Variants in GMNC observed in about 807,000 individuals in gnomAD.
GMNC encodes geminin coiled-coil domain-containing protein 1.
In GMNC, 16 loss-of-function variants were observed where a neutral mutation model predicts 33.6. The ratio of observed to expected loss-of-function variants is 0.48; its 90% confidence interval spans 0.32 to 0.72. The LOEUF (loss-of-function observed/expected upper bound fraction) is 0.72, where lower values mean the gene tolerates loss of function less well. GMNC is among the 30% of genes least tolerant of loss of function. The probability of loss-of-function intolerance (pLI) is 0.03; values close to 1 mark genes in which losing one functional copy is unlikely to be tolerated. For missense variants in GMNC, 393 were observed against 388.9 expected, an observed-to-expected ratio of 1.01 and a Z score of -0.09; for synonymous variants, 156 against 147.3, an observed-to-expected ratio of 1.06 and a Z score of -0.43.
At chr3:190,858,107 A>G (rs776261698) in intron 3 of GMNC, 1 of 557,958 alleles carries the variant, frequency 1.8e-6, no homozygotes, top group East Asian at 2.8e-5. Flanking sequence ...ATGTTCATTC[A>G]TTGCAAAGCA....
Position 190,855,030 on chromosome 3 carries a change from C to G in GMNC, c.*265G>C, listed in dbSNP as rs181005942. ...TAGAAGTGAGTGGAAAATACCTTAT[C>G]AAGTATAGGGCAAAGAGAGGATGTC... On this transcript the variant is annotated 3_prime_UTR_variant, in exon 5 of 5. Transcript: ENST00000442080. 2 of 426,372 alleles carry G rather than the reference C, an allele frequency of 4.7e-6. No homozygotes were observed. The highest frequency in any genetic ancestry group is 8.6e-6 in the Non-Finnish European group (2 of 233,488). 26.4% of individuals were successfully genotyped at this position (426,372 alleles called of 1,614,324 possible).
intron 2 of GMNC, chr3:190,859,646 T>C (rs974582079): frequency 2.1e-5 from 6 of 290,458 alleles, no homozygotes; most frequent in Admixed American, 4.3e-5. Context: ...ACTGTCCTAA[T>C]CTGTATATTT....
downstream of GMNC, among the ~76,000 whole-genome samples, chr3:190,849,450 C>A (rs1271847483): frequency 6.6e-6 from 1 of 152,278 alleles, no homozygotes; most frequent in South Asian, 2.1e-4. Flanking sequence ...TGTGTTTTGC[C>A]TTTTGCCTGA....
downstream of GMNC, among the ~76,000 whole-genome samples, chr3:190,848,869 C>T (rs538776300): frequency 6.6e-6 from 1 of 152,162 alleles, no homozygotes; most frequent in Admixed American, 6.5e-5. Flanking sequence ...TTTTATACTG[C>T]AGTCTTTCTT....
At chr3:190,847,986 G>A (rs773676561), downstream of GMNC, among the ~76,000 whole-genome samples, 126 of 152,092 alleles carry the variant, frequency 8.3e-4, 1 homozygote, top group Non-Finnish European at 6.8e-4. Flanking sequence ...TTTTCACTAC[G>A]TACATTCCCA....
the GMNC span, among the ~76,000 whole-genome samples, chr3:190,844,444 CAT>C: frequency 6.6e-6 from 1 of 151,002 alleles, no homozygotes; most frequent in African/African-American, 2.4e-5. Context: ...TAATTTAATA[CAT>C]ATTTAATAAT....
chr3:190,851,501 C>T (rs1425245052), downstream of GMNC, among the ~76,000 whole-genome samples: 1 of 152,156 alleles, frequency 6.6e-6, no homozygotes, highest in Non-Finnish European at 1.5e-5. Context: ...GCCAATTATT[C>T]CCTTGCTTTG....
rs1322918210 is a variant in GMNC at position 190,855,747 on chromosome 3, C to A, written c.553G>T (p.Val185Leu). 1 of 1,551,504 alleles carries A rather than the reference C, an allele frequency of 6.4e-7. No individual in the cohort carries two copies. The highest frequency in any genetic ancestry group is 8.7e-7 in the Non-Finnish European group (1 of 1,146,898). The change falls in exon 5 of 5, where the codon GTG becomes TTG. Residue 185 changes from valine (V) to leucine (L), a missense_variant. Coordinates refer to ENST00000442080, the MANE Select transcript of GMNC (RefSeq NM_001146686.3). ...AGTGTTTGAAGGACCCAGGGATCCA[C>A]AGGGGGCCCAGCTTGTTCTTCACAG... ...ANCEEQAGPP[V>L]DPWVLQTLGL...
chr3:190,849,366 C>T (rs1283382635), downstream of GMNC, among the ~76,000 whole-genome samples: 1 of 102,118 alleles, frequency 9.8e-6, no homozygotes, highest in Non-Finnish European at 1.7e-5. Context: ...TCCCTGTGGG[C>T]CAGGGGTGGA....
At position 190,861,157 on chromosome 3, in the gene GMNC, G is replaced by A. The variant is rs949952184; in HGVS notation, c.4-299C>T. Among the ~76,000 whole-genome samples, 5 of 152,054 alleles carry A rather than the reference G, an allele frequency of 3.3e-5. No homozygotes were observed. The highest frequency in any genetic ancestry group is 6.5e-5 in the Admixed American group (1 of 15,268). The stretch of plus-strand genomic sequence containing the variant: ...ATCCAGGAGGATTGTCTGTTGCAAC[G>A]ACCAGCCCATCTAATAGTCTACCCA... On this transcript the variant is annotated intron_variant, in intron 1 of 4. Transcript: ENST00000442080. This position sits in a 1 kb window ranked among gnomAD's most constrained non-coding sequence, Gnocchi z 5.1.
chr3:190,853,229 T>C lies in GMNC; in HGVS notation c.*2066A>G, dbSNP rs1242376574. 1 of 152,134 alleles carries C rather than the reference T, an allele frequency of 6.6e-6. No individual in the cohort carries two copies. The highest frequency in any genetic ancestry group is 1.9e-4 in the East Asian group (1 of 5,184). The allele number at this position is 152,134 out of a possible 1,614,324, so 9.4% of individuals were successfully genotyped here. A position where few individuals can be genotyped will look rare whatever the true frequency, so the allele number is the denominator to read the frequency against. ...ATAAATATTTGTTAACTCATACATT[T>C]CCTTTTACAGCTTGATTATTAGACT... is the stretch of plus-strand genomic sequence containing the variant. On this transcript the variant is annotated 3_prime_UTR_variant, in exon 5 of 5. Transcript: ENST00000442080.
rs1737879775 is a variant in GMNC at position 190,861,897 on chromosome 3, C to CT, written c.3+715dup. ...AGCAGAGCCCAGCTTTGGAAAAACTCTTTTTGACTACTACAGGGCTTCTTT... is the reference window on the plus strand; with the variant it reads ...AGCAGAGCCCAGCTTTGGAAAAACTCTTTTTTGACTACTACAGGGCTTCTTT... On this transcript the variant is annotated intron_variant, in intron 1 of 4. Transcript: ENST00000442080. The surrounding 1 kb of genome is among the most constrained non-coding windows in gnomAD (Gnocchi z 5.1). Among the ~76,000 whole-genome samples the CT allele has an allele frequency of 6.6e-6, 1 of 151,970 alleles. No homozygotes were observed. Among genetic ancestry groups the CT allele is most frequent in the African/African-American group, 2.4e-5 (1 of 41,378 alleles).
At chr3:190,860,937 G>C in intron 1 of GMNC, 79 bp from the exon 2 acceptor site, 1 of 927,402 alleles carries the variant, frequency 1.1e-6, no homozygotes, top group South Asian at 2.0e-5. Flanking sequence ...AAGGGTGGGA[G>C]AAATACCGAA....
chr3:190,859,568 T>C (rs908573421), intron 2 of GMNC, among the ~76,000 whole-genome samples: 1 of 152,308 alleles, frequency 6.6e-6, no homozygotes, highest in Admixed American at 6.5e-5. Context: ...TTTAAAACAA[T>C]TTGGACCTTG....
At chr3:190,860,642 A>G in intron 2 of GMNC, 42 bp downstream of exon 2, 1 of 1,499,544 alleles carries the variant, frequency 6.7e-7, no homozygotes, top group South Asian at 1.3e-5. Flanking sequence ...GGTATGGAAA[A>G]GAGCTCCAGA....
chr3:190,852,955 T>C lies in GMNC; in HGVS notation c.*2340A>G, dbSNP rs1737659000. 1 of 152,130 alleles carries C rather than the reference T, an allele frequency of 6.6e-6. No homozygotes were observed. Among genetic ancestry groups the C allele is most frequent in the Non-Finnish European group, 1.5e-5 (1 of 67,990 alleles). 9.4% of individuals were successfully genotyped at this position (152,130 alleles called of 1,614,324 possible). On this transcript the variant is annotated 3_prime_UTR_variant, in exon 5 of 5. Transcript: ENST00000442080. ...ACATAATTTAAATGGATATTAAATA[T>C]TTATAGACATGATTTCAAAAACGTG...
At position 190,861,478 on chromosome 3, in the gene GMNC, C is replaced by CTA. The variant is rs1478518618; in HGVS notation, c.4-622_4-621dup. Among the ~76,000 whole-genome samples, 3 of 151,858 alleles carry CTA rather than the reference C, an allele frequency of 2.0e-5. No homozygotes were observed. The highest frequency in any genetic ancestry group is 4.4e-5 in the Non-Finnish European group (3 of 67,988). On this transcript the variant is annotated intron_variant, in intron 1 of 4. Transcript: ENST00000442080. This position sits in a 1 kb window ranked among gnomAD's most constrained non-coding sequence, Gnocchi z 5.1. ...ATCATCTATCTATCTATCTATCTAT[C>CTA]TATCTATCTATCTATCTATCTATCT...
downstream of GMNC, among the ~76,000 whole-genome samples, chr3:190,849,092 G>C: frequency 6.6e-6 from 1 of 152,138 alleles, no homozygotes; most frequent in Non-Finnish European, 1.5e-5. Flanking sequence ...TGGCTCCCAA[G>C]AAACCTGATT....
rs932556471 is a variant in GMNC, at chr3:190,855,753, G to C, written c.547C>G (p.Pro183Ala). ...TGAAGGACCCAGGGATCCACAGGGGGCCCAGCTTGTTCTTCACAGTTAGCA... is the reference window on the plus strand; with the variant it reads ...TGAAGGACCCAGGGATCCACAGGGGCCCCAGCTTGTTCTTCACAGTTAGCA... The part of the protein sequence containing the change: ...EFANCEEQAG[P>A]PVDPWVLQTL... Residue 183 changes from proline to alanine, a missense_variant, in exon 5 of 5, where the codon CCC (proline) becomes GCC (alanine). Pro to Ala is a conservative substitution (Grantham distance 27). Transcript: ENST00000442080. 10 of 1,551,378 alleles carry C rather than the reference G, an allele frequency of 6.4e-6. No homozygotes were observed. The highest frequency in any genetic ancestry group is 1.7e-4 in the Middle Eastern group (1 of 6,014).
Sources: allele counts gnomAD v4.1 joint callset (sites outside exome capture counted in the v4.1 genomes callset), GRCh38; gene constraint gnomAD v4.1.1; non-coding constraint Gnocchi (gnomAD v3.1); transcripts MANE v1.5; gene names NCBI Gene and HGNC (gene_info 2026-07-23, HGNC 2026-07-21).